The following RNF17 variants were observed in gnomAD, a reference collection of about 807,000 sequenced individuals.
The protein encoded by RNF17 is spermatogenesis associated 23.
Under a neutral mutation model 200.5 loss-of-function variants are expected in RNF17, and 31 were observed. The ratio of observed to expected loss-of-function variants is 0.15; its 90% confidence interval spans 0.12 to 0.21. The LOEUF is 0.21. RNF17 is among the 10% of genes least tolerant of loss of function. RNF17 has a pLI of 1.00. For missense variants in RNF17, 1,628 were observed against 1,905.1 expected (o/e 0.85, Z 2.71); for synonymous variants, 606 against 637.8 (o/e 0.95, Z 0.75).
the RNF17 span, chr13:24,886,305 G>C: frequency 1.2e-5 from 15 of 1,288,970 alleles, no homozygotes; most frequent in Non-Finnish European, 1.4e-5. Flanking sequence ...TGGATGTTAC[G>C]GGAGAATGGC....
downstream of RNF17, chr13:24,883,503 T>A: frequency 1.6e-6 from 1 of 609,616 alleles, no homozygotes; most frequent in East Asian, 2.8e-5. Context: ...CCCTATACAA[T>A]TGTAACTTTC....
rs958967331 is a variant in RNF17 at position 24,845,136 on chromosome 13, G to A, written c.3101+57G>A. 1.0e-4 allele frequency: 92 copies of A among 899,916 alleles called. 1 individual carries two copies. The highest frequency in any genetic ancestry group is 8.3e-4 in the East Asian group (34 of 40,724). The allele number at this position is 899,916 out of a possible 1,614,324, so 55.7% of individuals were successfully genotyped here. ...TTTAAATATTTTTAAATGCGTTCTC[G>A]TCAGTTTTAATTTTGCTAAGATATT... On this transcript the variant is annotated intron_variant, in intron 22 of 35. Coordinates refer to ENST00000255324, the MANE Select transcript of RNF17 (RefSeq NM_031277.3).
chr13:24,765,461 C>T (rs1382957395), intron 1 of RNF17, among the ~76,000 whole-genome samples: 5 of 152,166 alleles, frequency 3.3e-5, no homozygotes, highest in African/African-American at 9.7e-5. Flanking sequence ...TAAGGTCATT[C>T]GATCAGTTTT....
Position 24,825,792 on chromosome 13 carries a change from T to C in RNF17, c.2245+20T>C. 2 of 1,606,460 alleles carry C rather than the reference T, an allele frequency of 1.2e-6. No individual in the cohort carries two copies. Among genetic ancestry groups the C allele is most frequent in the Non-Finnish European group, 1.7e-6 (2 of 1,175,858 alleles). ...TTATCGGTAGGAGAATGCATGCTGT[T>C]TCTACAGGGAGATGTCATACTTCAA... is the stretch of plus-strand genomic sequence containing the variant. On this transcript the variant is annotated intron_variant, in intron 16 of 35. Coordinates refer to ENST00000255324, the MANE Select transcript of RNF17 (RefSeq NM_031277.3).
intron 15 of RNF17, among the ~76,000 whole-genome samples, chr13:24,815,924 T>C (rs2137877071): frequency 6.6e-6 from 1 of 152,310 alleles, no homozygotes; most frequent in African/African-American, 2.4e-5. Context: ...AGACAGGGTC[T>C]CCCTCAGTTG....
intron 22 of RNF17, among the ~76,000 whole-genome samples, chr13:24,848,565 G>T (rs1015054163): frequency 1.3e-5 from 2 of 152,126 alleles, no homozygotes; most frequent in African/African-American, 4.8e-5. Flanking sequence ...GGGAGGCTGA[G>T]GTAGGGAGAA....
Position 24,854,104 on chromosome 13 carries a change from T to C in RNF17, c.3570T>C (p.Val1190=). The change falls in exon 25 of 36, where the codon GTT becomes GTC. Residue 1190 remains valine (V), a synonymous_variant. Coordinates refer to ENST00000255324, the MANE Select transcript of RNF17 (RefSeq NM_031277.3). ...TATTTGAGGCAACAGTCAGCTGTGT[T>C]GGTGATGATGGAACTATATTTGTAG... ...MNVFEATVSC[V]GDDGTIFVVP... 2 of 1,613,938 alleles carry C rather than the reference T, an allele frequency of 1.2e-6. No homozygotes were observed. The highest frequency in any genetic ancestry group is 1.7e-6 in the Non-Finnish European group (2 of 1,179,870).
chr13:24,837,078 C>A (rs11617396), intron 18 of RNF17, among the ~76,000 whole-genome samples: 19,058 of 152,034 alleles, frequency 0.13, 1,256 homozygotes, highest in Middle Eastern at 0.16. Context: ...GGTAGTTATT[C>A]TTATATCAGA....
chr13:24,763,138 T>G (rs1878950774), upstream of RNF17, among the ~76,000 whole-genome samples: 1 of 151,644 alleles, frequency 6.6e-6, no homozygotes, highest in Non-Finnish European at 1.5e-5. Context: ...CATACCACCG[T>G]AGACCATATT....
At chr13:24,864,014 G>C (rs1395121759) in intron 28 of RNF17, among the ~76,000 whole-genome samples, 1 of 152,178 alleles carries the variant, frequency 6.6e-6, no homozygotes, top group Non-Finnish European at 1.5e-5. Context: ...TTTCAGTGGT[G>C]GGAAAGAGAA....
chr13:24,761,504 C>T (rs1248568399), upstream of RNF17, among the ~76,000 whole-genome samples: 1 of 152,200 alleles, frequency 6.6e-6, no homozygotes, highest in Non-Finnish European at 1.5e-5. Flanking sequence ...AAGACATTCA[C>T]TGTGGGTCAG....
At chr13:24,863,887 C>T (rs1464060076) in intron 28 of RNF17, among the ~76,000 whole-genome samples, 8 of 152,192 alleles carry the variant, frequency 5.3e-5, no homozygotes, top group Admixed American at 5.2e-4. Flanking sequence ...ACTCCTCTCC[C>T]TTGTACGCAA....
chr13:24,874,271 G>T, intron 33 of RNF17, 22 bp downstream of exon 33: 6 of 1,538,666 alleles, frequency 3.9e-6, no homozygotes, highest in Non-Finnish European at 5.2e-6. Context: ...ATGTCGGGGT[G>T]TTGAATTAGA....
chr13:24,851,144 G>A (rs1271893836), intron 23 of RNF17, among the ~76,000 whole-genome samples: 19 of 152,202 alleles, frequency 1.2e-4, no homozygotes, highest in African/African-American at 4.6e-4. Flanking sequence ...ACAGGCATGC[G>A]CCACCACGCC....
At chr13:24,825,147 G>T (rs1888484224) in intron 15 of RNF17, among the ~76,000 whole-genome samples, 1 of 152,148 alleles carries the variant, frequency 6.6e-6, no homozygotes, top group African/African-American at 2.4e-5. Context: ...GACTGTACTA[G>T]ATTATAAAAG....
At chr13:24,882,265 C>G (rs1319680804), downstream of RNF17, 1 of 123,608 alleles carries the variant, frequency 8.1e-6, no homozygotes, top group Admixed American at 8.1e-5. Context: ...TATATAGATA[C>G]ATCTGTACTT....
intron 8 of RNF17, 35 bp downstream of exon 8, chr13:24,789,459 T>A: frequency 7.3e-7 from 1 of 1,375,746 alleles, no homozygotes; most frequent in Non-Finnish European, 1.0e-6. Context: ...CCATAACAAG[T>A]ATAAAGATGT....
At chr13:24,879,392 C>T (rs1593516824) in intron 35 of RNF17, 97 bp downstream of exon 35, 1 of 769,616 alleles carries the variant, frequency 1.3e-6, no homozygotes, top group South Asian at 1.6e-5. Context: ...CTTGATTTCT[C>T]AAAGGAATGA....
At chr13:24,829,640 A>C (rs577887677) in intron 16 of RNF17, among the ~76,000 whole-genome samples, 1 of 152,340 alleles carries the variant, frequency 6.6e-6, no homozygotes, top group South Asian at 2.1e-4. Context: ...ACTTCTCCCA[A>C]GGAGCAGAGA....
Sources: allele counts gnomAD v4.1 joint callset (sites outside exome capture counted in the v4.1 genomes callset), GRCh38; gene constraint gnomAD v4.1.1; transcripts MANE v1.5; gene names NCBI Gene and HGNC (gene_info 2026-07-23, HGNC 2026-07-21).